MYT1L: variants seen among roughly 807,000 people sequenced by gnomAD.
MYT1L encodes the protein myelin transcription factor 1-like protein.
In MYT1L, 12 loss-of-function variants were observed where a neutral mutation model predicts 126.7. The observed-to-expected ratio is 0.09, with a 90% CI of 0.06 to 0.15. The LOEUF (loss-of-function observed/expected upper bound fraction) is 0.15, where lower values mean the gene tolerates loss of function less well. Among genes scored for constraint, MYT1L ranks in the 10% least tolerant of loss-of-function variants. The pLI is 1.00. For missense variants in MYT1L, 979 were observed against 1,585.2 expected (o/e 0.62, Z 6.49); for synonymous variants, 541 against 604.2 (o/e 0.90, Z 1.53).
At chr2:2,054,928 G>GATGAGATACATGGAA (rs2069308921) in intron 3 of MYT1L, among the ~76,000 whole-genome samples, 1 of 152,134 alleles carries the variant, frequency 6.6e-6, no homozygotes, top group Non-Finnish European at 1.5e-5. Context: ...AACACATGGA[G>GATGAGATACATGGAA]ATGAGATACA....
At chr2:2,106,802 T>C (rs17338540) in intron 3 of MYT1L, among the ~76,000 whole-genome samples, 4,265 of 152,206 alleles carry the variant, frequency 0.028, 83 homozygotes, top group South Asian at 0.088. Context: ...TAGAGGCATT[T>C]TCAAATTCAG....
At chr2:2,114,171 G>A (rs768490885) in intron 3 of MYT1L, among the ~76,000 whole-genome samples, 2 of 152,242 alleles carry the variant, frequency 1.3e-5, no homozygotes, top group Admixed American at 6.5e-5. Context: ...GCAGTGGATT[G>A]TAAGTAGGCA....
chr2:2,294,038 CAGAGG>C (rs900044150), intron 1 of MYT1L, among the ~76,000 whole-genome samples: 8 of 151,984 alleles, frequency 5.3e-5, no homozygotes, highest in African/African-American at 1.9e-4. Flanking sequence ...GGGGTGAATA[CAGAGG>C]AGAGTAAGGA....
chr2:2,164,753 A>G (rs1032033674), intron 3 of MYT1L, among the ~76,000 whole-genome samples: 7 of 152,228 alleles, frequency 4.6e-5, no homozygotes, highest in Non-Finnish European at 8.8e-5. Context: ...GACGATAGAC[A>G]TGGTTTTCAG....
intron 3 of MYT1L, among the ~76,000 whole-genome samples, chr2:2,055,288 T>C (rs551254711): frequency 6.6e-6 from 1 of 152,338 alleles, no homozygotes; most frequent in Non-Finnish European, 1.5e-5. Flanking sequence ...TGTTTGTATT[T>C]TTGTCCTTCT....
At chr2:2,288,401 T>C (rs981378009) in intron 1 of MYT1L, among the ~76,000 whole-genome samples, 1 of 152,228 alleles carries the variant, frequency 6.6e-6, no homozygotes. Flanking sequence ...AGCAAAGTAT[T>C]GAGAAGAGCT....
chr2:2,057,758 T>C (rs2069798620), intron 3 of MYT1L, among the ~76,000 whole-genome samples: 1 of 152,206 alleles, frequency 6.6e-6, no homozygotes, highest in African/African-American at 2.4e-5. Flanking sequence ...GGAGCTTCCA[T>C]CTGGGTTGTA....
chr2:1,955,184 C>T (rs565875222), intron 8 of MYT1L, among the ~76,000 whole-genome samples: 22 of 150,040 alleles, frequency 1.5e-4, no homozygotes, highest in Admixed American at 1.5e-3. Context: ...CATGTTTGCA[C>T]CAGGGAAAAG....
chr2:2,060,487 GTT>G (rs2070257953), intron 3 of MYT1L, among the ~76,000 whole-genome samples: 1 of 152,094 alleles, frequency 6.6e-6, no homozygotes, highest in South Asian at 2.1e-4. Context: ...TTTATGTTTA[GTT>G]ATTTAGACAG....
At chr2:2,181,649 G>A (rs181993589) in intron 2 of MYT1L, among the ~76,000 whole-genome samples, 4 of 152,258 alleles carry the variant, frequency 2.6e-5, no homozygotes, top group Admixed American at 1.3e-4. Flanking sequence ...ACGTGGAAGC[G>A]CTTTGTCTTC....
intron 18 of MYT1L, among the ~76,000 whole-genome samples, chr2:1,875,210 G>A (rs373769507): frequency 2.0e-5 from 3 of 152,142 alleles, no homozygotes. Flanking sequence ...GGGTGAGTGC[G>A]ATCGCTGCGG....
intron 3 of MYT1L, among the ~76,000 whole-genome samples, chr2:2,077,072 G>A (rs891228046): frequency 6.6e-6 from 1 of 152,028 alleles, no homozygotes. Context: ...AAGTACATTA[G>A]AGAAGCTCAA....
chr2:2,227,593 A>G (rs1472744278), intron 2 of MYT1L, among the ~76,000 whole-genome samples: 1 of 152,184 alleles, frequency 6.6e-6, no homozygotes, highest in Admixed American at 6.5e-5. Flanking sequence ...ACAGACTCAC[A>G]TGGAAAGCTG....
At chr2:1,934,272 C>A (rs904885603) in intron 9 of MYT1L, among the ~76,000 whole-genome samples, 36 of 130,208 alleles carry the variant, frequency 2.8e-4, no homozygotes, top group Admixed American at 9.6e-4. Context: ...AGCCCCCCGC[C>A]TGATTTTGAT....
intron 4 of MYT1L, among the ~76,000 whole-genome samples, chr2:2,043,682 G>A (rs1032700234): frequency 3.9e-5 from 6 of 152,072 alleles, no homozygotes; most frequent in Admixed American, 3.3e-4. Flanking sequence ...TCCTTGCCCT[G>A]AGCTCAGGGG....
At chr2:2,042,129 C>T (rs1489552436) in intron 4 of MYT1L, among the ~76,000 whole-genome samples, 2 of 152,110 alleles carry the variant, frequency 1.3e-5, no homozygotes, top group African/African-American at 2.4e-5. Context: ...CAAAGGCAGC[C>T]CCGCAATCCT....
intron 5 of MYT1L, among the ~76,000 whole-genome samples, chr2:1,990,260 C>T (rs1362251786): frequency 1.3e-5 from 2 of 152,218 alleles, no homozygotes; most frequent in African/African-American, 2.4e-5. Context: ...CCAGTGAGGG[C>T]TCCTCACCCT....
chr2:1,800,430 T>G (rs79182584), intron 23 of MYT1L: 4,073 of 152,418 alleles, frequency 0.027, 99 homozygotes, highest in Middle Eastern at 0.078. Flanking sequence ...TGATGCCCTC[T>G]GGGGAAGTAG....
intron 3 of MYT1L, among the ~76,000 whole-genome samples, chr2:2,111,351 C>A (rs2079431055): frequency 2.0e-5 from 3 of 152,156 alleles, no homozygotes; most frequent in Admixed American, 2.0e-4. Flanking sequence ...CTCCCATCCT[C>A]CCCCCGACGG....
Sources: gnomAD v4.1 joint callset for allele counts (sites outside exome capture counted in the v4.1 genomes callset) on GRCh38, gnomAD v4.1.1 for gene constraint, MANE v1.5 for transcripts, NCBI Gene and HGNC (gene_info 2026-07-23, HGNC 2026-07-21) for gene names.